Variants in PLSCR2 observed in about 807,000 individuals in gnomAD.
The protein encoded by PLSCR2 is phospholipid scramblase 2.
PLSCR2 carries 18 observed loss-of-function variants against 25.3 expected under a neutral mutation model. That is an observed-to-expected ratio of 0.71 (90% CI 0.49 to 1.06). The LOEUF (loss-of-function observed/expected upper bound fraction) is 1.06, where lower values mean the gene tolerates loss of function less well. Ranked by LOEUF, PLSCR2 falls within the 50% of genes least tolerant of loss-of-function variation. PLSCR2 has a pLI of 0.00. For missense variants in PLSCR2, 243 were observed against 269.5 expected (o/e 0.90, Z 0.69); for synonymous variants, 88 against 87.3 (o/e 1.01, Z -0.04).
At chr3:146,460,650 G>C (rs1016839049), upstream of PLSCR2, among the ~76,000 whole-genome samples, 2 of 152,174 alleles carry the variant, frequency 1.3e-5, no homozygotes, top group Admixed American at 1.3e-4. Flanking sequence ...AGGAGAGACT[G>C]ATATTGTCAG....
chr3:146,439,893 C>T (rs545023151), downstream of PLSCR2, among the ~76,000 whole-genome samples: 3 of 152,270 alleles, frequency 2.0e-5, no homozygotes, highest in Non-Finnish European at 2.9e-5. Context: ...GGTTTCTTCC[C>T]GTCTTTGTGG....
intron 2 of PLSCR2, among the ~76,000 whole-genome samples, chr3:146,420,426 A>G (rs1356059836): frequency 6.6e-6 from 1 of 152,062 alleles, no homozygotes; most frequent in Non-Finnish European, 1.5e-5. Flanking sequence ...ATACAGTGTA[A>G]TATTGTATAT....
Position 146,482,838 on chromosome 3 carries a change from G to A in PLSCR2, c.-293+13057C>T, listed in dbSNP as rs144678898. 8.1e-3 allele frequency among the ~76,000 whole-genome samples: 1,226 copies of A among 152,202 alleles called. 13 individuals carry two copies. The highest frequency in any genetic ancestry group is 0.019 in the South Asian group (90 of 4,820). ...TTGGAACCAACCCAAATGTCCATCA[G>A]TGATAGACTGGATTAAGAAAATGTG... On this transcript the variant is annotated intron_variant, in intron 1 of 8. Transcript: ENST00000336685.
chr3:146,427,218 C>T (rs1410973011), intron 2 of PLSCR2, among the ~76,000 whole-genome samples: 1 of 152,066 alleles, frequency 6.6e-6, no homozygotes, highest in African/African-American at 2.4e-5. Flanking sequence ...ACCATGTATC[C>T]AGTTTTAGCA....
intron 2 of PLSCR2, among the ~76,000 whole-genome samples, chr3:146,410,549 CTG>C (rs1311501818): frequency 6.6e-6 from 1 of 152,190 alleles, no homozygotes; most frequent in Non-Finnish European, 1.5e-5. Context: ...AATGACAGGA[CTG>C]TGGTGACCAG....
At chr3:146,435,110 TTTATGGCTGCATAG>T (rs1285227678) in intron 8 of PLSCR2, among the ~76,000 whole-genome samples, 3 of 152,186 alleles carry the variant, frequency 2.0e-5, no homozygotes, top group Non-Finnish European at 4.4e-5. Flanking sequence ...CTCATCATTT[TTTATGGCTGCATAG>T]TATTCCATGG....
chr3:146,446,848 G>C (rs1313842866), intron 6 of PLSCR2, among the ~76,000 whole-genome samples: 1 of 152,050 alleles, frequency 6.6e-6, no homozygotes, highest in Non-Finnish European at 1.5e-5. Flanking sequence ...TTCTGTGGCT[G>C]AGCTAGAACC....
chr3:146,477,655 G>C (rs2042967829), intron 1 of PLSCR2, among the ~76,000 whole-genome samples: 1 of 152,216 alleles, frequency 6.6e-6, no homozygotes, highest in Non-Finnish European at 1.5e-5. Flanking sequence ...TTTGTGGGCA[G>C]GGCATAGCTG....
At chr3:146,445,422 G>A (rs2040490551) in intron 6 of PLSCR2, among the ~76,000 whole-genome samples, 1 of 152,144 alleles carries the variant, frequency 6.6e-6, no homozygotes, top group East Asian at 1.9e-4. Flanking sequence ...AGATAATTTT[G>A]TTGGATATAC....
chr3:146,488,427 T>C (rs1405609083), intron 1 of PLSCR2, among the ~76,000 whole-genome samples: 1 of 152,002 alleles, frequency 6.6e-6, no homozygotes, highest in Admixed American at 6.6e-5. Flanking sequence ...GCAGTCTTTC[T>C]ATCTTACAAA....
At chr3:146,471,379 T>C (rs969551515) in intron 1 of PLSCR2, among the ~76,000 whole-genome samples, 5 of 152,206 alleles carry the variant, frequency 3.3e-5, no homozygotes, top group Non-Finnish European at 2.9e-5. Context: ...TTTTGTTTGT[T>C]GATTCTGATT....
At chr3:146,429,815 T>C (rs554491541), downstream of PLSCR2, among the ~76,000 whole-genome samples, 3 of 151,936 alleles carry the variant, frequency 2.0e-5, no homozygotes, top group African/African-American at 7.2e-5. Context: ...TTAGTAGAGA[T>C]AGGGTTTCAC....
At chr3:146,471,510 T>C (rs754864639) in intron 1 of PLSCR2, among the ~76,000 whole-genome samples, 56 of 152,152 alleles carry the variant, frequency 3.7e-4, no homozygotes, top group Non-Finnish European at 7.2e-4. Context: ...TTTTTCCCTC[T>C]TGCTGATTTG....
intron 2 of PLSCR2, among the ~76,000 whole-genome samples, chr3:146,397,808 T>G (rs914153666): frequency 3.9e-5 from 6 of 152,066 alleles, no homozygotes; most frequent in Non-Finnish European, 8.8e-5. Flanking sequence ...GGCTTTTAAC[T>G]TAAAATAGAA....
chr3:146,430,288 G>A (rs1240757499), downstream of PLSCR2, among the ~76,000 whole-genome samples: 1 of 152,184 alleles, frequency 6.6e-6, no homozygotes, highest in East Asian at 1.9e-4. Flanking sequence ...TACTATCAAT[G>A]ACAACTATAC....
At chr3:146,473,007 T>C (rs2042168091) in intron 1 of PLSCR2, among the ~76,000 whole-genome samples, 4 of 152,192 alleles carry the variant, frequency 2.6e-5, no homozygotes, top group Admixed American at 2.6e-4. Context: ...GATCCCATCA[T>C]AGAATTTTTA....
intron 2 of PLSCR2, among the ~76,000 whole-genome samples, chr3:146,423,282 T>TCTCTCTCTCTAC (rs758576585): frequency 9.9e-6 from 1 of 100,962 alleles, no homozygotes; most frequent in South Asian, 3.7e-4. Flanking sequence ...TCTCTCTCTC[T>TCTCTCTCTCTAC]CCCTGGCTAG....
intron 6 of PLSCR2, among the ~76,000 whole-genome samples, chr3:146,448,111 G>A (rs1369639421): frequency 3.3e-5 from 5 of 152,040 alleles, no homozygotes; most frequent in African/African-American, 1.2e-4. Context: ...CCTCCTCAGT[G>A]CCTCTTTTTT....
At chr3:146,473,871 C>T (rs1363319067) in intron 1 of PLSCR2, among the ~76,000 whole-genome samples, 3 of 152,154 alleles carry the variant, frequency 2.0e-5, no homozygotes, top group Middle Eastern at 3.2e-3. Flanking sequence ...TTTCCAGGGA[C>T]TTCACTTTAA....
Sources: allele counts gnomAD v4.1 joint callset (sites outside exome capture counted in the v4.1 genomes callset), GRCh38; gene constraint gnomAD v4.1.1; transcripts MANE v1.5; gene names NCBI Gene and HGNC (gene_info 2026-07-23, HGNC 2026-07-21).